The following GALNT13 variants were observed in gnomAD, a reference collection of about 807,000 sequenced individuals.
GALNT13 encodes UDP-GalNAc:polypeptide N-acetylgalactosaminyltransferase 13.
Under a neutral mutation model 64.2 loss-of-function variants are expected in GALNT13, and 28 were observed. That is an observed-to-expected ratio of 0.44 (90% CI 0.32 to 0.60). The LOEUF is 0.60. Ranked by LOEUF, GALNT13 falls within the 20% of genes least tolerant of loss-of-function variation. The pLI is 0.05. For missense variants in GALNT13, 577 were observed against 669.8 expected, an observed-to-expected ratio of 0.86 and a Z score of 1.53; for synonymous variants, 214 against 224.6, an observed-to-expected ratio of 0.95 and a Z score of 0.42.
chr2:153,088,485 A>G, the GALNT13 span, among the ~76,000 whole-genome samples: 1 of 152,094 alleles, frequency 6.6e-6, no homozygotes, highest in Non-Finnish European at 1.5e-5. Context: ...TATTTGTTCT[A>G]GGGTATAGTT....
At chr2:153,611,401 C>G in the GALNT13 span, among the ~76,000 whole-genome samples, 1 of 151,958 alleles carries the variant, frequency 6.6e-6, no homozygotes, top group African/African-American at 2.4e-5. Context: ...CAGAGTTTTG[C>G]TTTGTAGCTC....
Position 154,188,481 on chromosome 2 carries a change from G to A in GALNT13, c.311+47976G>A, listed in dbSNP as rs952283578. On this transcript the variant is annotated intron_variant, in intron 4 of 12. Coordinates refer to ENST00000392825, the MANE Select transcript of GALNT13 (RefSeq NM_052917.4). ...GAATAAAAATTAAATCCATTACTAG[G>A]CCAACTGCCAGCTGAGGAAAACAAA... Among the ~76,000 whole-genome samples, 7 of 152,152 alleles carry A rather than the reference G, an allele frequency of 4.6e-5. No homozygotes were observed. The South Asian group carries it at 1.5e-3, about 32-fold the overall frequency.
intron 4 of GALNT13, among the ~76,000 whole-genome samples, chr2:154,188,489 C>T (rs1014953308): frequency 6.6e-6 from 1 of 152,098 alleles, no homozygotes; most frequent in Non-Finnish European, 1.5e-5. Flanking sequence ...AGGCCAACTG[C>T]CAGCTGAGGA....
intron 12 of GALNT13, among the ~76,000 whole-genome samples, chr2:154,443,836 G>A (rs998888843): frequency 1.3e-5 from 2 of 151,984 alleles, no homozygotes; most frequent in Non-Finnish European, 2.9e-5. Flanking sequence ...ATTTTTACAT[G>A]TTACGATTAA....
chr2:154,025,320 G>C (rs917959625), intron 3 of GALNT13, among the ~76,000 whole-genome samples: 8 of 152,104 alleles, frequency 5.3e-5, no homozygotes, highest in Middle Eastern at 3.2e-3. Context: ...CTCCCCCCAT[G>C]TTTAAATGTT....
At chr2:154,008,489 T>C (rs951392516) in intron 3 of GALNT13, among the ~76,000 whole-genome samples, 2 of 152,134 alleles carry the variant, frequency 1.3e-5, no homozygotes, top group Non-Finnish European at 2.9e-5. Context: ...ATAGGTAAAT[T>C]GTGTGTTATG....
the GALNT13 span, among the ~76,000 whole-genome samples, chr2:153,139,896 A>G: frequency 6.6e-5 from 10 of 152,060 alleles, no homozygotes; most frequent in East Asian, 9.7e-4. Flanking sequence ...ATAGTTAACT[A>G]TAATGACTAT....
the GALNT13 span, among the ~76,000 whole-genome samples, chr2:153,473,627 G>T: frequency 6.6e-6 from 1 of 152,202 alleles, no homozygotes; most frequent in Admixed American, 6.5e-5. Flanking sequence ...TTGGAGGATT[G>T]CTGCAGACTT....
intron 10 of GALNT13, among the ~76,000 whole-genome samples, chr2:154,401,891 G>A (rs955054037): frequency 2.6e-5 from 4 of 152,120 alleles, no homozygotes; most frequent in Admixed American, 6.5e-5. Flanking sequence ...CATAAGTGAA[G>A]TCAACTTGAA....
At chr2:153,069,787 A>G in the GALNT13 span, among the ~76,000 whole-genome samples, 2 of 152,202 alleles carry the variant, frequency 1.3e-5, no homozygotes, top group African/African-American at 2.4e-5. Flanking sequence ...TTGCAAATGG[A>G]CATAACTTTG....
At chr2:154,288,536 C>G (rs1046766870) in intron 8 of GALNT13, among the ~76,000 whole-genome samples, 2 of 152,172 alleles carry the variant, frequency 1.3e-5, no homozygotes, top group Admixed American at 1.3e-4. Flanking sequence ...CCTGTATAAT[C>G]AAAAGCAAGT....
intron 4 of GALNT13, among the ~76,000 whole-genome samples, chr2:154,157,526 C>T (rs901646331): frequency 7.2e-5 from 11 of 152,250 alleles, no homozygotes; most frequent in African/African-American, 1.4e-4. Flanking sequence ...TTTCTCTCTT[C>T]GGTTATTCTT....
intron 3 of GALNT13, among the ~76,000 whole-genome samples, chr2:154,019,482 A>C (rs1441888072): frequency 1.3e-5 from 2 of 151,670 alleles, no homozygotes; most frequent in South Asian, 2.1e-4. Context: ...AAAATGCAAA[A>C]AATTAGCTGG....
At chr2:153,178,310 G>T in the GALNT13 span, among the ~76,000 whole-genome samples, 4 of 152,232 alleles carry the variant, frequency 2.6e-5, no homozygotes, top group South Asian at 2.1e-4. Context: ...GTGGTACTAA[G>T]TTACAGTCCC....
intron 1 of GALNT13, among the ~76,000 whole-genome samples, chr2:153,882,776 G>A (rs1485072574): frequency 6.6e-6 from 1 of 151,628 alleles, no homozygotes; most frequent in Non-Finnish European, 1.5e-5. Flanking sequence ...CTACAGAAAT[G>A]TCTCACCACA....
the GALNT13 span, among the ~76,000 whole-genome samples, chr2:153,522,440 T>C: frequency 6.6e-5 from 10 of 152,122 alleles, no homozygotes; most frequent in African/African-American, 2.4e-4. Context: ...TTTAGTTTTG[T>C]AAGAAACCAG....
the GALNT13 span, chr2:153,173,368 T>G: frequency 6.6e-6 from 1 of 152,116 alleles, no homozygotes; most frequent in Non-Finnish European, 1.5e-5. Flanking sequence ...ACTATTTGTC[T>G]GGGTCTACCG....
the GALNT13 span, among the ~76,000 whole-genome samples, chr2:153,303,636 A>G: frequency 6.6e-6 from 1 of 152,168 alleles, no homozygotes; most frequent in Non-Finnish European, 1.5e-5. Flanking sequence ...CTGATTTTGG[A>G]GGAAAAAACT....
chr2:153,068,457 T>G, the GALNT13 span, among the ~76,000 whole-genome samples: 1 of 152,188 alleles, frequency 6.6e-6, no homozygotes, highest in Admixed American at 6.5e-5. Flanking sequence ...TATGTCTTTT[T>G]GGGTTTTTAA....
Sources: allele counts gnomAD v4.1 joint callset (sites outside exome capture counted in the v4.1 genomes callset), GRCh38; gene constraint gnomAD v4.1.1; transcripts MANE v1.5; gene names NCBI Gene and HGNC (gene_info 2026-07-23, HGNC 2026-07-21).